PUS10: variants seen among roughly 807,000 people sequenced by gnomAD.
The protein encoded by PUS10 is tRNA pseudouridine synthase Pus10.
A neutral mutation model predicts 75.0 loss-of-function variants in PUS10; 59 were observed. The ratio of observed to expected loss-of-function variants is 0.79; its 90% confidence interval spans 0.64 to 0.98. The LOEUF is 0.98. Among genes scored for constraint, PUS10 ranks in the 50% least tolerant of loss-of-function variants. PUS10 has a pLI of 0.00. For missense variants in PUS10, 650 were observed against 614.4 expected (o/e 1.06, Z -0.61); for synonymous variants, 219 against 211.6 (o/e 1.03, Z -0.30).
chr2:61,011,683 C>T lies in PUS10; in HGVS notation c.126+82G>A, dbSNP rs955672894. 35 of 980,010 alleles carry T rather than the reference C, an allele frequency of 3.6e-5. No individual in the cohort carries two copies. The South Asian group carries it at 6.9e-4, about 19-fold the overall frequency. The allele number at this position is 980,010 out of a possible 1,614,324, so 60.7% of individuals were successfully genotyped here. On this transcript the variant is annotated intron_variant, in intron 2 of 17. Coordinates refer to ENST00000316752, the MANE Select transcript of PUS10 (RefSeq NM_144709.4). Reference sequence around the variant, plus strand: ...AAAAAGAGTTATGAATAGATACCTGCCCTCAAAAGTACAAGCATTCATTGT... The same window carrying T: ...AAAAAGAGTTATGAATAGATACCTGTCCTCAAAAGTACAAGCATTCATTGT...
rs553997820 is a variant in PUS10, at chr2:61,006,565, C to T, written c.460G>A (p.Val154Ile). ...CATGCAAATGACCTTACCTCTCTTA[C>T]AGATAGTTGTGGTGGGAAGGAGACT... Reference protein sequence around the residue: ...FSVSFPPQLSVREHAAWLLVK... With the variant: ...FSVSFPPQLSIREHAAWLLVK... The change falls in exon 4 of 18, where the codon GTA (valine) becomes ATA (isoleucine). Residue 154 changes from valine to isoleucine, a missense_variant. Coordinates refer to ENST00000316752, the MANE Select transcript of PUS10 (RefSeq NM_144709.4). 3 of 1,612,386 alleles carry T rather than the reference C, an allele frequency of 1.9e-6. No individual in the cohort carries two copies. Among genetic ancestry groups the T allele is most frequent in the African/African-American group, 1.3e-5 (1 of 74,980 alleles).
In PUS10 at chr2:61,011,882, T is replaced by G. The variant is rs745938043; in HGVS notation, c.9A>C (p.Pro3=). ...CCACATGCTTGTTTTCCTCAGTCAGTGGGAACATATTGAATAATTATAACT... is the reference window on the plus strand; with the variant it reads ...CCACATGCTTGTTTTCCTCAGTCAGGGGGAACATATTGAATAATTATAACT... MF[P]LTEENKHVAQ... is the part of the protein sequence containing the mutation. The change falls in exon 2 of 18, where the codon CCA becomes CCC. Residue 3 remains proline, a synonymous_variant. Coordinates refer to ENST00000316752, the MANE Select transcript of PUS10 (RefSeq NM_144709.4). The G allele has an allele frequency of 1.3e-6, 2 of 1,598,470 alleles. No homozygotes were observed. The highest frequency in any genetic ancestry group is 3.6e-5 in the Admixed American group (2 of 55,576).
intron 4 of PUS10, among the ~76,000 whole-genome samples, chr2:61,001,278 A>G (rs1431616594): frequency 6.7e-6 from 1 of 149,762 alleles, no homozygotes; most frequent in East Asian, 1.9e-4. Flanking sequence ...GACATAAGCC[A>G]TAAGCCACCT....
intron 1 of PUS10, among the ~76,000 whole-genome samples, chr2:61,012,867 A>AAATAT (rs1679710007): frequency 7.2e-5 from 2 of 27,742 alleles, no homozygotes; most frequent in African/African-American, 3.6e-4. Context: ...AAAAAAAAAA[A>AAATAT]ATATATATAT....
At chr2:61,012,043 C>A in intron 1 of PUS10, 138 bp from the exon 2 acceptor site, 2 of 483,454 alleles carry the variant, frequency 4.1e-6, no homozygotes, top group Non-Finnish European at 6.7e-6. Flanking sequence ...CCTTTCATTA[C>A]ACACATATTA....
chr2:61,017,756 G>A (rs1680101937), intron 1 of PUS10: 1 of 1,549,118 alleles, frequency 6.5e-7, no homozygotes, highest in African/African-American at 1.4e-5. Flanking sequence ...AGGAGGCGGA[G>A]GAGATGGCGT....
chr2:61,017,800 C>T, intron 1 of PUS10: 2 of 1,550,520 alleles, frequency 1.3e-6, no homozygotes, highest in African/African-American at 1.4e-5. Flanking sequence ...CCCTGGGAGA[C>T]CCGCCGAATT....
At chr2:60,951,947 G>C (rs1186421818) in intron 15 of PUS10, among the ~76,000 whole-genome samples, 1 of 152,178 alleles carries the variant, frequency 6.6e-6, no homozygotes, top group Non-Finnish European at 1.5e-5. Flanking sequence ...CTTCTAGTAG[G>C]TCATCTAGGT....
intron 4 of PUS10, among the ~76,000 whole-genome samples, chr2:60,983,096 T>C (rs1465530758): frequency 6.6e-6 from 1 of 152,156 alleles, no homozygotes; most frequent in Non-Finnish European, 1.5e-5. Context: ...TCTCACTACG[T>C]TGACCATGCT....
At chr2:60,942,514 A>C in intron 17 of PUS10, 81 bp from the exon 18 acceptor site, 1 of 1,103,452 alleles carries the variant, frequency 9.1e-7, no homozygotes, top group Non-Finnish European at 1.4e-6. Flanking sequence ...TAAATTTAAT[A>C]GTTTTAATAT....
chr2:60,947,344 A>G (rs988147232), intron 16 of PUS10, among the ~76,000 whole-genome samples: 3 of 152,200 alleles, frequency 2.0e-5, no homozygotes, highest in Non-Finnish European at 4.4e-5. Context: ...TCTGAGGCAA[A>G]TACTTGAAAT....
At chr2:60,957,653 C>T (rs563959682) in intron 11 of PUS10, among the ~76,000 whole-genome samples, 16 of 152,368 alleles carry the variant, frequency 1.1e-4, no homozygotes, top group East Asian at 9.6e-4. Context: ...CTCTAGCCTA[C>T]GCTGTGCCCT....
intron 2 of PUS10, chr2:61,010,958 C>T: frequency 1.4e-5 from 21 of 1,493,188 alleles, no homozygotes; most frequent in Non-Finnish European, 1.9e-5. Flanking sequence ...AAGACCTTGA[C>T]ATATAGTAAT....
chr2:60,973,543 C>A (rs954593266), intron 4 of PUS10, among the ~76,000 whole-genome samples: 2 of 152,266 alleles, frequency 1.3e-5, no homozygotes, highest in African/African-American at 4.8e-5. Context: ...GCCTCAGCCC[C>A]CTGTAGACTT....
intron 4 of PUS10, among the ~76,000 whole-genome samples, chr2:60,985,796 C>T (rs1323984591): frequency 6.6e-6 from 1 of 152,028 alleles, no homozygotes; most frequent in African/African-American, 2.4e-5. Context: ...GCCACTGCAC[C>T]CGGCCTTTTC....
intron 4 of PUS10, among the ~76,000 whole-genome samples, chr2:60,997,682 CAT>C (rs1331175844): frequency 6.6e-6 from 1 of 151,152 alleles, no homozygotes; most frequent in Non-Finnish European, 1.5e-5. Context: ...CTAATATTAG[CAT>C]ATGTCTGGGA....
intron 3 of PUS10, among the ~76,000 whole-genome samples, chr2:61,007,824 G>C (rs1342990367): frequency 1.3e-5 from 2 of 150,030 alleles, no homozygotes; most frequent in African/African-American, 4.9e-5. Flanking sequence ...GGTGGCTCAC[G>C]CCTGTAATCC....
rs1346342131 is a variant in PUS10, at chr2:60,971,961, C to T, written c.469-404G>A. Among the ~76,000 whole-genome samples, 4 of 146,244 alleles carry T rather than the reference C, an allele frequency of 2.7e-5. No individual in the cohort carries two copies. The Admixed American group carries it at 2.8e-4, about 10-fold the overall frequency. On this transcript the variant is annotated intron_variant, in intron 4 of 17. Transcript: ENST00000316752. ...TCTCAGCTCACTGCAACCTCTGCTT[C>T]CTAGGTTCAAGATATTCTTCTGCCT...
At chr2:60,978,292 C>T (rs941301640) in intron 4 of PUS10, among the ~76,000 whole-genome samples, 4 of 151,762 alleles carry the variant, frequency 2.6e-5, no homozygotes, top group East Asian at 1.9e-4. Flanking sequence ...TGTGGTGGTG[C>T]GCACCTGTAA....
Sources: allele counts gnomAD v4.1 joint callset (sites outside exome capture counted in the v4.1 genomes callset), GRCh38; gene constraint gnomAD v4.1.1; transcripts MANE v1.5; gene names NCBI Gene and HGNC (gene_info 2026-07-23, HGNC 2026-07-21).